Variants in ACACB observed in about 807,000 individuals in gnomAD.
The protein encoded by ACACB is acetyl-CoA carboxylase 2.
Under a neutral mutation model 278.8 loss-of-function variants are expected in ACACB, and 209 were observed. The observed-to-expected ratio is 0.75, with a 90% CI of 0.67 to 0.84. ACACB has a LOEUF of 0.84. Ranked by LOEUF, ACACB falls within the 40% of genes least tolerant of loss-of-function variation. ACACB has a pLI of 0.00. For missense variants in ACACB, 2,850 were observed against 3,269.0 expected (o/e 0.87, Z 3.13); for synonymous variants, 1,174 against 1,285.6 (o/e 0.91, Z 1.86).
rs2044741299 is a variant in ACACB, at chr12:109,188,241, C to A, written c.2144+79C>A. 3.7e-6 allele frequency: 5 copies of A among 1,354,056 alleles called. No homozygotes were observed. The Admixed American group carries it at 1.0e-4, about 27-fold the overall frequency. The allele number at this position is 1,354,056 out of a possible 1,614,324, so 83.9% of individuals were successfully genotyped here. The stretch of plus-strand genomic sequence containing the variant: ...TCCTTCCTTCCTTCCTTCCCTCTCT[C>A]CCTTCTTCCCCTCTTCCTTCCCTCT... On this transcript the variant is annotated intron_variant, in intron 13 of 52. Transcript: ENST00000338432.
intron 34 of ACACB, 41 bp from the exon 35 acceptor site, chr12:109,239,789 C>T (rs1217183790): frequency 1.9e-6 from 3 of 1,558,782 alleles, no homozygotes; most frequent in African/African-American, 1.4e-5. Flanking sequence ...AGTAGGCCTG[C>T]ACCCCTGGCC....
At chr12:109,198,819 T>C (rs1593533735) in intron 17 of ACACB, among the ~76,000 whole-genome samples, 1 of 151,298 alleles carries the variant, frequency 6.6e-6, no homozygotes, top group Admixed American at 6.6e-5. Flanking sequence ...AGAGGCAGGG[T>C]CTCACTGTGT....
intron 2 of ACACB, among the ~76,000 whole-genome samples, chr12:109,164,575 G>A (rs2043837677): frequency 6.6e-6 from 1 of 151,764 alleles, no homozygotes; most frequent in African/African-American, 2.4e-5. Context: ...GGTTGAATGT[G>A]AGGGCAGGAG....
chr12:109,201,565 AG>A lies in ACACB; in HGVS notation c.2779del. ...GTACTATTTCTTCTTTTTACGAAAT[AG>A]GTGATGAAGATGATCATGACCCTGA... On this transcript the variant is annotated splice_acceptor_variant, in intron 18 of 52. Transcript: ENST00000338432. LOFTEE classifies it high-confidence loss of function. 3 of 1,613,914 alleles carry A rather than the reference AG, an allele frequency of 1.9e-6. No homozygotes were observed. Among genetic ancestry groups the A allele is most frequent in the Non-Finnish European group, 2.5e-6 (3 of 1,179,890 alleles).
intron 46 of ACACB, among the ~76,000 whole-genome samples, chr12:109,258,605 C>G (rs1168405049): frequency 2.0e-5 from 3 of 152,162 alleles, no homozygotes; most frequent in Non-Finnish European, 4.4e-5. Flanking sequence ...AGAAACCCCT[C>G]CCACCTCCTG....
chr12:109,250,714 A>G (rs556459075), intron 41 of ACACB, among the ~76,000 whole-genome samples: 2 of 152,222 alleles, frequency 1.3e-5, no homozygotes, highest in African/African-American at 2.4e-5. Context: ...TGGTAGTAGT[A>G]GTAGTGGTAG....
chr12:109,265,447 C>T lies in ACACB; in HGVS notation c.7172C>T (p.Ala2391Val), dbSNP rs2136873236. 1 of 1,613,330 alleles carries T rather than the reference C, an allele frequency of 6.2e-7. No individual in the cohort carries two copies. Among genetic ancestry groups the T allele is most frequent in the African/African-American group, 1.3e-5 (1 of 75,004 alleles). ...VVQWLEQHWQAGDGPRSTIRE... is the reference protein window; with the variant it reads ...VVQWLEQHWQVGDGPRSTIRE... Reference sequence around the variant, plus strand: ...CAGTGGCTGGAACAGCACTGGCAGGCAGGGGATGGCCCGCGCTCCACCATC... The same window carrying T: ...CAGTGGCTGGAACAGCACTGGCAGGTAGGGGATGGCCCGCGCTCCACCATC... Residue 2391 changes from alanine to valine, a missense_variant, in exon 52 of 53, where the codon GCA becomes GTA. Physicochemically the swap from Ala to Val is moderately conservative, Grantham distance 64. Coordinates refer to ENST00000338432, the MANE Select transcript of ACACB (RefSeq NM_001093.4).
At chr12:109,114,463 T>C (rs2042365445), upstream of ACACB, among the ~76,000 whole-genome samples, 1 of 152,122 alleles carries the variant, frequency 6.6e-6, no homozygotes, top group Non-Finnish European at 1.5e-5. Context: ...GGGGAAGGCA[T>C]GTGAATTCTC....
intron 28 of ACACB, among the ~76,000 whole-genome samples, chr12:109,229,940 C>T (rs2046420885): frequency 6.6e-6 from 1 of 152,112 alleles, no homozygotes; most frequent in Non-Finnish European, 1.5e-5. Flanking sequence ...GAGTGGGATA[C>T]CTTCTCTTAA....
Position 109,222,787 on chromosome 12 carries a change from C to T in ACACB, c.3679-12C>T, listed in dbSNP as rs1164493103. On this transcript the variant is annotated splice_polypyrimidine_tract_variant and intron_variant, in intron 25 of 52. Coordinates refer to ENST00000338432, the MANE Select transcript of ACACB (RefSeq NM_001093.4). ...TTGGCTCACGCCAGCGCCCCCATCC[C>T]TCCCCCTGCAGATCCTGATTGCCTC... 1 of 1,608,566 alleles carries T rather than the reference C, an allele frequency of 6.2e-7. No individual in the cohort carries two copies. Among genetic ancestry groups the T allele is most frequent in the Non-Finnish European group, 8.5e-7 (1 of 1,175,494 alleles).
rs34174568 is a variant in ACACB at position 109,181,840 on chromosome 12, C to CTTTTTTTT, written c.1818+1768_1818+1775dup. Among the ~76,000 whole-genome samples the CTTTTTTTT allele has an allele frequency of 2.2e-3, 182 of 81,540 alleles. 1 individual carries two copies. The highest frequency in any genetic ancestry group is 0.014 in the Middle Eastern group (1 of 74). 53.5% of individuals were successfully genotyped at this position (81,540 alleles called of 152,430 possible). Reference sequence around the variant, plus strand: ...CTTTTTCTGTTTTCTTTTTCCTTTCCTTTTTTTTTTTTTTTTTTTTTTGAG... The same window carrying CTTTTTTTT: ...CTTTTTCTGTTTTCTTTTTCCTTTCCTTTTTTTTTTTTTTTTTTTTTTTTTTTTTTGAG... On this transcript the variant is annotated intron_variant, in intron 11 of 52. Transcript: ENST00000338432.
chr12:109,175,899 G>A, intron 7 of ACACB, 32 bp from the exon 8 acceptor site: 1 of 1,589,592 alleles, frequency 6.3e-7, no homozygotes, highest in South Asian at 1.1e-5. Flanking sequence ...TCCTGGATTT[G>A]GGAGGAATCA....
chr12:109,235,333 T>C lies in ACACB; in HGVS notation c.4368T>C (p.Tyr1456=), dbSNP rs980399213. Residue 1456 remains tyrosine, a synonymous_variant, in exon 32 of 53, where the codon TAT becomes TAC. Coordinates refer to ENST00000338432, the MANE Select transcript of ACACB (RefSeq NM_001093.4). Reference sequence around the variant, plus strand: ...TGCAGAAAAATATCCTTGTGGATTATGGACTCCGACGAATCACATTCTTGA... The same window carrying C: ...TGCAGAAAAATATCCTTGTGGATTACGGACTCCGACGAATCACATTCTTGA... ...VQSKKNILVD[Y]GLRRITFLIA... is the part of the protein sequence containing the mutation. The C allele has an allele frequency of 3.7e-6, 6 of 1,614,182 alleles. No homozygotes were observed. The highest frequency in any genetic ancestry group is 5.1e-6 in the Non-Finnish European group (6 of 1,179,992).
In ACACB at chr12:109,256,172, GACC is replaced by G. The variant is rs1467402911; in HGVS notation, c.6202_6204del (p.His2068del). 1 of 1,613,824 alleles carries G rather than the reference GACC, an allele frequency of 6.2e-7. No homozygotes were observed. The highest frequency in any genetic ancestry group is 8.5e-7 in the Non-Finnish European group (1 of 1,179,944). ...GGGAACGTGGCAGAGCGGATTCTTT[GACC>G]ACGGCAGTTTCAAGGAAATCATGGC... On this transcript the variant is annotated inframe_deletion, in exon 45 of 53. Transcript: ENST00000338432.
At chr12:109,174,092 T>C in intron 6 of ACACB, 40 bp from the exon 7 acceptor site, 2 of 1,561,340 alleles carry the variant, frequency 1.3e-6, no homozygotes, top group Non-Finnish European at 1.7e-6. Context: ...GTCTTGTGAC[T>C]GACCGGATTC....
intron 4 of ACACB, among the ~76,000 whole-genome samples, chr12:109,169,664 C>T (rs1456192415): frequency 6.6e-6 from 1 of 152,162 alleles, no homozygotes; most frequent in Non-Finnish European, 1.5e-5. Flanking sequence ...AGTGGACTCC[C>T]TCCCCACCCA....
intron 19 of ACACB, among the ~76,000 whole-genome samples, chr12:109,202,091 G>A (rs985793375): frequency 2.0e-5 from 3 of 152,086 alleles, no homozygotes; most frequent in Admixed American, 1.3e-4. Context: ...CCCAGACTTT[G>A]CAGGGATCAC....
chr12:109,249,112 G>A (rs879621501), intron 40 of ACACB: 4 of 152,214 alleles, frequency 2.6e-5, no homozygotes, highest in Admixed American at 1.3e-4. Flanking sequence ...CAAAGAACAC[G>A]GAATCATAGA....
chr12:109,223,963 G>A lies in ACACB; in HGVS notation c.3882+59G>A, dbSNP rs181894994. ...CATGCCAGTTCTAGTGTTCACTGCC[G>A]CTACCATGCACCTGACCCTAGGCCA... is the stretch of plus-strand genomic sequence containing the variant. On this transcript the variant is annotated intron_variant, in intron 27 of 52. Transcript: ENST00000338432. The A allele has an allele frequency of 1.8e-4, 258 of 1,424,248 alleles. No homozygotes were observed. In the African/African-American group the frequency reaches 3.1e-3, roughly 17 times the overall value. 88.2% of individuals were successfully genotyped at this position (1,424,248 alleles called of 1,614,324 possible).
Sources: allele counts gnomAD v4.1 joint callset (sites outside exome capture counted in the v4.1 genomes callset), GRCh38; gene constraint gnomAD v4.1.1; transcripts MANE v1.5; gene names NCBI Gene and HGNC (gene_info 2026-07-23, HGNC 2026-07-21).